Variants in REEP5 observed in about 807,000 individuals in gnomAD.
REEP5 encodes receptor expression-enhancing protein 5.
In REEP5, 24 loss-of-function variants were observed where a neutral mutation model predicts 22.4. The ratio of observed to expected loss-of-function variants is 1.07; its 90% CI spans 0.78 to 1.51. The LOEUF (loss-of-function observed/expected upper bound fraction) is 1.51. REEP5 is among the 40% of genes most tolerant of loss of function. REEP5 has a pLI of 0.00. For synonymous variants in REEP5, 103 were observed against 88.6 expected, an observed-to-expected ratio of 1.16 and a Z score of -0.92; for missense variants, 252 against 233.0, an observed-to-expected ratio of 1.08 and a Z score of -0.53.
intron 3 of REEP5, chr5:112,893,094 T>TAAAAAAA (rs552226372): frequency 3.2e-4 from 161 of 501,402 alleles, no homozygotes; most frequent in Middle Eastern, 6.8e-4. Context: ...GTTTTGTTCT[T>TAAAAAAA]AAAAAAAAAA....
intron 4 of REEP5, 150 bp downstream of exon 4, chr5:112,886,865 T>C (rs1768263320): frequency 1.9e-6 from 1 of 532,344 alleles, no homozygotes; most frequent in South Asian, 3.4e-5. Context: ...GTGTTCTCAA[T>C]AGGCAAAGAC....
At chr5:112,897,760 T>C (rs542386728) in intron 3 of REEP5, 4 of 152,148 alleles carry the variant, frequency 2.6e-5, no homozygotes, top group Admixed American at 2.6e-4. Flanking sequence ...AAAAATAAAA[T>C]ATTAAACATG....
intron 4 of REEP5, among the ~76,000 whole-genome samples, chr5:112,879,338 TG>T (rs1580725553): frequency 2.4e-3 from 5 of 2,058 alleles, no homozygotes; most frequent in South Asian, 0.017. Flanking sequence ...GGGGGGGGGC[TG>T]GGGGGGCGGT....
chr5:112,898,012 T>C (rs1483583016), intron 3 of REEP5: 1 of 152,196 alleles, frequency 6.6e-6, no homozygotes, highest in Non-Finnish European at 1.5e-5. Flanking sequence ...TGAGCCAAGA[T>C]GGCACCACTG....
intron 1 of REEP5, chr5:112,921,518 C>T (rs1328387462): frequency 1.1e-5 from 6 of 531,528 alleles, no homozygotes; most frequent in Non-Finnish European, 2.0e-5. Flanking sequence ...CAGCAACCCC[C>T]GGCGCCCGGG....
chr5:112,919,474 G>C (rs1467504562), intron 2 of REEP5, among the ~76,000 whole-genome samples: 3 of 152,004 alleles, frequency 2.0e-5, no homozygotes, highest in Admixed American at 6.6e-5. Context: ...CTTGAATTTG[G>C]CGGGGGTGGG....
At chr5:112,921,464 A>G in intron 1 of REEP5, 1 of 592,780 alleles carries the variant, frequency 1.7e-6, no homozygotes, top group Non-Finnish European at 3.0e-6. Flanking sequence ...CAGCCCCACC[A>G]TTGTGCCTCT....
intron 4 of REEP5, among the ~76,000 whole-genome samples, chr5:112,879,809 T>C (rs1229813504): frequency 1.3e-5 from 2 of 151,994 alleles, no homozygotes; most frequent in Non-Finnish European, 2.9e-5. Context: ...CCAGGCATAA[T>C]GACTCATGCC....
chr5:112,882,497 G>C (rs1768110152), intron 4 of REEP5, among the ~76,000 whole-genome samples: 1 of 152,156 alleles, frequency 6.6e-6, no homozygotes, highest in African/African-American at 2.4e-5. Context: ...CACCTACTCT[G>C]TAGCTATACC....
intron 2 of REEP5, among the ~76,000 whole-genome samples, chr5:112,916,564 G>A (rs1769237214): frequency 6.6e-6 from 1 of 152,228 alleles, no homozygotes; most frequent in Admixed American, 6.5e-5. Flanking sequence ...TGGGATGACA[G>A]TACCTTATTT....
At chr5:112,909,521 C>G (rs1439554721) in intron 2 of REEP5, among the ~76,000 whole-genome samples, 9 of 152,028 alleles carry the variant, frequency 5.9e-5, no homozygotes, top group Non-Finnish European at 2.9e-5. Flanking sequence ...ATCCCATATG[C>G]TACAGGTAGT....
At chr5:112,903,098 C>G (rs1019990232) in intron 2 of REEP5, among the ~76,000 whole-genome samples, 7 of 152,186 alleles carry the variant, frequency 4.6e-5, no homozygotes, top group Non-Finnish European at 1.5e-5. Flanking sequence ...TTCCTCCTCT[C>G]CTCAGTTAAT....
At chr5:112,889,695 A>C (rs2150037874) in intron 3 of REEP5, among the ~76,000 whole-genome samples, 1 of 150,656 alleles carries the variant, frequency 6.6e-6, no homozygotes, top group East Asian at 2.0e-4. Context: ...TTCCATCAGA[A>C]ATTGATATAC....
chr5:112,921,279 T>C (rs1307292631), intron 1 of REEP5, 23 bp from the exon 2 acceptor site: 12 of 1,611,540 alleles, frequency 7.4e-6, no homozygotes, highest in Non-Finnish European at 1.0e-5. Flanking sequence ...AGGAGAGAAG[T>C]GGGTCGGGCA....
intron 3 of REEP5, among the ~76,000 whole-genome samples, chr5:112,900,688 C>T (rs980795041): frequency 1.3e-5 from 2 of 151,984 alleles, no homozygotes; most frequent in Non-Finnish European, 2.9e-5. Flanking sequence ...TGGGGCCCCC[C>T]ACTCCTAGGA....
At chr5:112,886,938 G>A (rs1420446340) in intron 4 of REEP5, 77 bp downstream of exon 4, 1 of 1,104,248 alleles carries the variant, frequency 9.1e-7, no homozygotes, top group African/African-American at 1.6e-5. Flanking sequence ...AGACAAGAAG[G>A]CCAGGAAGCC....
intron 2 of REEP5, among the ~76,000 whole-genome samples, chr5:112,910,735 C>A (rs1053746395): frequency 6.6e-6 from 1 of 152,188 alleles, no homozygotes; most frequent in East Asian, 1.9e-4. Flanking sequence ...ACTGCTGCTT[C>A]AAAAATCCTA....
At chr5:112,879,727 T>C (rs1393065626) in intron 4 of REEP5, among the ~76,000 whole-genome samples, 2 of 152,114 alleles carry the variant, frequency 1.3e-5, no homozygotes, top group East Asian at 2.0e-4. Context: ...CTGCCCGCCT[T>C]GGCCTCCCAA....
chr5:112,912,445 A>C lies in REEP5; in HGVS notation c.212+8718T>G, dbSNP rs541590796. 3.3e-5 allele frequency among the ~76,000 whole-genome samples: 5 copies of C among 152,324 alleles called. No individual in the cohort carries two copies. The East Asian group carries it at 9.6e-4, about 29-fold the overall frequency. ...AAGCAGTTCATTAAAATATATCTAT[A>C]TATCCATTTATACCCATATATATTT... On this transcript the variant is annotated intron_variant, in intron 2 of 4. Coordinates refer to ENST00000379638, the MANE Select transcript of REEP5 (RefSeq NM_005669.5).
Sources: allele counts gnomAD v4.1 joint callset (sites outside exome capture counted in the v4.1 genomes callset), GRCh38; gene constraint gnomAD v4.1.1; transcripts MANE v1.5; gene names NCBI Gene and HGNC (gene_info 2026-07-23, HGNC 2026-07-21).